Variants in SERPINA5 observed in about 807,000 individuals in gnomAD.
SERPINA5 encodes plasma serine protease inhibitor.
In SERPINA5, 25 loss-of-function variants were observed where a neutral mutation model predicts 25.3. The observed-to-expected ratio is 0.99, with a 90% confidence interval of 0.72 to 1.38. The LOEUF is 1.38. SERPINA5 is among the 40% of genes most tolerant of loss of function. The probability of loss-of-function intolerance (pLI) is 0.00; values close to 1 mark genes in which losing one functional copy is unlikely to be tolerated. For missense variants in SERPINA5, 599 were observed against 509.5 expected (o/e 1.18, Z -1.69); for synonymous variants, 234 against 206.2 (o/e 1.14, Z -1.16).
intron 5 of SERPINA5, 73 bp downstream of exon 5, chr14:94,590,969 C>CCATTT (rs946090917): frequency 9.1e-6 from 13 of 1,423,682 alleles, no homozygotes; most frequent in African/African-American, 2.9e-5. Flanking sequence ...CTACTCTACC[C>CCATTT]CATTTCATTC....
At chr14:94,590,506 T>G in intron 4 of SERPINA5, 195 bp downstream of exon 4, 2 of 840,206 alleles carry the variant, frequency 2.4e-6, no homozygotes, top group South Asian at 4.3e-5. Flanking sequence ...GGAAACTGGG[T>G]TCCTTAGGGT....
Position 94,590,082 on chromosome 14 carries a change from C to T in SERPINA5, c.661C>T (p.Gln221Ter). The T allele has an allele frequency of 1.2e-6, 2 of 1,608,122 alleles. No homozygotes were observed. The highest frequency in any genetic ancestry group is 1.7e-6 in the Non-Finnish European group (2 of 1,175,482). Residue 221 changes from glutamine to a stop codon, truncating the protein, a stop_gained, in exon 4 of 6, where the codon CAA becomes TAA. Coordinates refer to ENST00000329597, the MANE Select transcript of SERPINA5 (RefSeq NM_000624.6). LOFTEE classifies it high-confidence loss of function. ...CTTCAACCACAAAGGCACCCAAGAG[C>T]AAGACTTCTACGTGACCTCGGAGAC... Reference protein sequence around the residue: ...TSFNHKGTQEQDFYVTSETVV... With the variant: ...TSFNHKGTQE
chr14:94,590,995 A>AACTCC (rs3065874), intron 5 of SERPINA5, 99 bp downstream of exon 5: 31,042 of 1,118,940 alleles, frequency 0.028, 1,361 homozygotes, highest in East Asian at 0.13. Context: ...CATTCCACTC[A>AACTCC]ACTCCACTCC....
In SERPINA5 at chr14:94,587,860, A is replaced by C. The variant is rs780501454; in HGVS notation, c.498A>C (p.Ala166=). 3.1e-6 allele frequency: 5 copies of C among 1,613,918 alleles called. No individual in the cohort carries two copies. The highest frequency in any genetic ancestry group is 4.5e-5 in the East Asian group (2 of 44,880). ...DTFPTNFRDS[A]GAMKQINDYV... ...TCCCTACCAACTTTAGGGACTCTGC[A>C]GGGGCCATGAAGCAGATCAATGATT... Residue 166 remains alanine (A), a synonymous_variant, in exon 3 of 6, where the codon GCA becomes GCC. Transcript: ENST00000329597.
chr14:94,587,754 A>G lies in SERPINA5; in HGVS notation c.392A>G (p.Asn131Ser). ...PRDGFQLSLG[N>S]ALFTDLVVDL... is the part of the protein sequence containing the mutation. ...GATGGCTTCCAGCTGAGCCTCGGCA[A>G]TGCCCTTTTCACCGACCTGGTGGTA... The change falls in exon 3 of 6, where the codon AAT becomes AGT. Residue 131 changes from asparagine to serine, a missense_variant. Coordinates refer to ENST00000329597, the MANE Select transcript of SERPINA5 (RefSeq NM_000624.6). The G allele has an allele frequency of 1.2e-6, 2 of 1,614,198 alleles. No homozygotes were observed. Among genetic ancestry groups the G allele is most frequent in the South Asian group, 2.2e-5 (2 of 91,088 alleles).
intron 2 of SERPINA5, chr14:94,587,125 A>T: frequency 6.2e-6 from 3 of 487,030 alleles, no homozygotes; most frequent in Non-Finnish European, 1.1e-5. Context: ...TTGGGTCTGC[A>T]CCTCCTCTCC....
rs369426508 is a variant in SERPINA5, at chr14:94,590,888, G to C, written c.1030G>C (p.Val344Leu). The C allele has an allele frequency of 2.7e-5, 43 of 1,610,026 alleles. No individual in the cohort carries two copies. Among genetic ancestry groups the C allele is most frequent in the African/African-American group, 1.3e-4 (10 of 74,870 alleles). ...CATCAGCAACCACTCAAATATCCAG[G>C]TGTCTGAGGTGGGTTCAGAAGCTCC... ...SGISNHSNIQ[V>L]SEMVHKAVVE... Residue 344 changes from valine to leucine, a missense_variant, in exon 5 of 6, where the codon GTG becomes CTG. By Grantham distance (32) the Val-to-Leu change is conservative. Transcript: ENST00000329597.
Position 94,590,814 on chromosome 14 carries a change from C to T in SERPINA5, c.956C>T (p.Pro319Leu). The T allele has an allele frequency of 1.2e-6, 2 of 1,614,122 alleles. No individual in the cohort carries two copies. The highest frequency in any genetic ancestry group is 1.7e-6 in the Non-Finnish European group (2 of 1,180,002). Reference sequence around the variant, plus strand: ...TCCTATCAGCTGGAGAAAGTCCTCCCCAGTCTGGGGATCAGTAACGTCTTC... The same window carrying T: ...TCCTATCAGCTGGAGAAAGTCCTCCTCAGTCTGGGGATCAGTAACGTCTTC... Reference protein sequence around the residue: ...EGSYQLEKVLPSLGISNVFTS... With the variant: ...EGSYQLEKVLLSLGISNVFTS... Residue 319 changes from proline (P) to leucine (L), a missense_variant, in exon 5 of 6, where the codon CCC becomes CTC. Physicochemically the swap from Pro to Leu is moderately conservative, Grantham distance 98. Coordinates refer to ENST00000329597, the MANE Select transcript of SERPINA5 (RefSeq NM_000624.6).
rs191896596 is a variant in SERPINA5 at position 94,590,691 on chromosome 14, G to A, written c.891-58G>A. The A allele has an allele frequency of 1.1e-3, 1,767 of 1,560,128 alleles. 2 individuals carry two copies. Among genetic ancestry groups the A allele is most frequent in the Non-Finnish European group, 1.4e-3 (1,567 of 1,148,038 alleles). ...CCAGTGCATTATGAATCCAAGGGGT[G>A]AGGCTCAGTGTGCCAATGCCCCAGA... On this transcript the variant is annotated intron_variant, in intron 4 of 5. Coordinates refer to ENST00000329597, the MANE Select transcript of SERPINA5 (RefSeq NM_000624.6).
At position 94,592,538 on chromosome 14, in the gene SERPINA5, G is replaced by A; in HGVS notation, c.*299G>A. On this transcript the variant is annotated 3_prime_UTR_variant, in exon 6 of 6. Transcript: ENST00000329597. ...TTCACCAGCATGGTAGTGGCAAAGA[G>A]AGGTCCAGAGTCCTGGCCCTTGATG... The A allele has an allele frequency of 3.2e-6, 1 of 313,814 alleles. No individual in the cohort carries two copies. Among genetic ancestry groups the A allele is most frequent in the Non-Finnish European group, 5.9e-6 (1 of 169,184 alleles). 19.4% of individuals were successfully genotyped at this position (313,814 alleles called of 1,614,324 possible). A position where few individuals can be genotyped will look rare whatever the true frequency, so the allele number is the denominator to read the frequency against.
rs1008588454 is a variant in SERPINA5, at chr14:94,590,795, C to T, written c.937C>T (p.Gln313Ter). 3 of 1,613,966 alleles carry T rather than the reference C, an allele frequency of 1.9e-6. No homozygotes were observed. Among genetic ancestry groups the T allele is most frequent in the Non-Finnish European group, 2.5e-6 (3 of 1,179,978 alleles). The change falls in exon 5 of 6, where the codon CAG becomes TAG. Residue 313 changes from glutamine to a stop codon, truncating the protein, a stop_gained. Coordinates refer to ENST00000329597, the MANE Select transcript of SERPINA5 (RefSeq NM_000624.6). LOFTEE classifies it high-confidence loss of function. The stretch of plus-strand genomic sequence containing the variant: ...CAAATTCTCCATTGAGGGCTCCTAT[C>T]AGCTGGAGAAAGTCCTCCCCAGTCT... ...LPKFSIEGSY[Q>*]LEKVLPSLGI...
rs149686841 is a variant in SERPINA5, at chr14:94,590,860, C to T, written c.1002C>T (p.Ser334=). Residue 334 remains serine (S), a synonymous_variant, in exon 5 of 6, where the codon TCC becomes TCT. Transcript: ENST00000329597. The part of the protein sequence containing the change: ...SNVFTSHADL[S]GISNHSNIQV... ...TCTTCACCTCCCATGCTGATCTGTC[C>T]GGCATCAGCAACCACTCAAATATCC... 1,114 of 1,613,418 alleles carry T rather than the reference C, an allele frequency of 6.9e-4. 7 individuals are homozygous for T. In the African/African-American group the frequency reaches 0.013, roughly 19 times the overall value.
chr14:94,587,991 T>C lies in SERPINA5; in HGVS notation c.619+10T>C. 6.2e-7 allele frequency: 1 copy of C among 1,608,530 alleles called. No individual in the cohort carries two copies. The highest frequency in any genetic ancestry group is 8.5e-7 in the Non-Finnish European group (1 of 1,176,466). Reference sequence around the variant, plus strand: ...TACATCTTCTTTAAAGGTAAGGCCCTTGGGCCCAAACCTGCACTTTCTTTG... The same window carrying C: ...TACATCTTCTTTAAAGGTAAGGCCCCTGGGCCCAAACCTGCACTTTCTTTG... On this transcript the variant is annotated intron_variant, in intron 3 of 5. Transcript: ENST00000329597.
At chr14:94,592,031 G>T (rs1885320806) in intron 5 of SERPINA5, 26 bp from the exon 6 acceptor site, 2 of 1,600,522 alleles carry the variant, frequency 1.2e-6, no homozygotes, top group Non-Finnish European at 1.7e-6. Flanking sequence ...CTAGTGGCCT[G>T]GTGATGCCTG....
chr14:94,586,277 C>CTTTTCATGGGCTGTCTT (rs1885080048), intron 2 of SERPINA5, among the ~76,000 whole-genome samples: 1 of 152,194 alleles, frequency 6.6e-6, no homozygotes, highest in Non-Finnish European at 1.5e-5. Flanking sequence ...ATGTCTTTGC[C>CTTTTCATGGGCTGTCTT]TGCATGGGCT....
Position 94,590,468 on chromosome 14 carries a change from G to A in SERPINA5, c.890+157G>A, listed in dbSNP as rs529743375. 1.6e-5 allele frequency: 16 copies of A among 1,006,498 alleles called. No homozygotes were observed. The African/African-American group carries it at 1.9e-4, about 12-fold the overall frequency. The allele number at this position is 1,006,498 out of a possible 1,614,324, so 62.3% of individuals were successfully genotyped here. A position where few individuals can be genotyped will look rare whatever the true frequency, so the allele number is the denominator to read the frequency against. On this transcript the variant is annotated intron_variant, in intron 4 of 5. Transcript: ENST00000329597. ...ATCCTGTGACATCCAAGTCCTGGGG[G>A]CCTAGCCCAGTTGGAGGGACAAGAG...
At chr14:94,587,285 T>C (rs1885122158) in intron 2 of SERPINA5, 61 bp from the exon 3 acceptor site, 1 of 1,457,310 alleles carries the variant, frequency 6.9e-7, no homozygotes, top group Non-Finnish European at 9.2e-7. Context: ...GGGACATCTC[T>C]GGAAAGTCAG....
Position 94,587,327 on chromosome 14 carries a change from C to A in SERPINA5, c.-17-19C>A. The stretch of plus-strand genomic sequence containing the variant: ...GACCAGCTCCACCCCTCTCTGAGGA[C>A]ACCTTCTTTCCCTTTCAGAACAAAG... On this transcript the variant is annotated intron_variant, in intron 2 of 5. Transcript: ENST00000329597. 1.3e-6 allele frequency: 2 copies of A among 1,556,592 alleles called. No homozygotes were observed. Among genetic ancestry groups the A allele is most frequent in the South Asian group, 2.5e-5 (2 of 81,010 alleles).
chr14:94,588,036 C>G, intron 3 of SERPINA5, 55 bp downstream of exon 3: 1 of 1,562,178 alleles, frequency 6.4e-7, no homozygotes, highest in Non-Finnish European at 8.7e-7. Context: ...CTGCTTTTAT[C>G]TAAAGAATAC....
Sources: allele counts gnomAD v4.1 joint callset (sites outside exome capture counted in the v4.1 genomes callset), GRCh38; gene constraint gnomAD v4.1.1; transcripts MANE v1.5; gene names NCBI Gene and HGNC (gene_info 2026-07-23, HGNC 2026-07-21).